The following SRD5A1 variants were observed in gnomAD, a reference collection of about 807,000 sequenced individuals.
SRD5A1 encodes 3-oxo-5-alpha-steroid 4-dehydrogenase 1.
Under a neutral mutation model 28.2 loss-of-function variants are expected in SRD5A1, and 22 were observed. That is an observed-to-expected ratio of 0.78 (90% CI 0.56 to 1.12). The LOEUF (loss-of-function observed/expected upper bound fraction) is 1.12, where lower values mean the gene tolerates loss of function less well. Among genes scored for constraint, SRD5A1 ranks in the 50% most tolerant of loss-of-function variants. SRD5A1 has a pLI of 0.00. For synonymous variants in SRD5A1, 151 were observed against 135.0 expected, an observed-to-expected ratio of 1.12 and a Z score of -0.82; for missense variants, 300 against 346.7, an observed-to-expected ratio of 0.87 and a Z score of 1.07.
rs1242403832 is a variant in SRD5A1, at chr5:6,668,265, T to G, written c.777T>G (p.Phe259Leu). 1 of 1,572,368 alleles carries G rather than the reference T, an allele frequency of 6.4e-7. No homozygotes were observed. Among genetic ancestry groups the G allele is most frequent in the East Asian group, 2.3e-5 (1 of 44,126 alleles). Residue 259 changes from phenylalanine (F) to leucine (L), a missense_variant, in exon 5 of 5, where the codon TTT (phenylalanine) becomes TTG (leucine). Phe to Leu is a conservative substitution (Grantham distance 22). Transcript: ENST00000274192. ...GAAAAATTATAATTCCATTTTTGTT[T>G]TAAGTGCGTTTTTCATGAAATTATC... ...KFRKIIIPFLF is the reference protein window; with the variant it reads ...KFRKIIIPFLL
At chr5:6,657,200 A>G (rs1045710140) in intron 3 of SRD5A1, among the ~76,000 whole-genome samples, 1 of 152,250 alleles carries the variant, frequency 6.6e-6, no homozygotes, top group Non-Finnish European at 1.5e-5. Flanking sequence ...CAAATTACTT[A>G]AACTGTGACC....
intron 1 of SRD5A1, among the ~76,000 whole-genome samples, chr5:6,638,788 A>G (rs184499520): frequency 3.3e-5 from 5 of 152,362 alleles, no homozygotes; most frequent in East Asian, 1.9e-4. Flanking sequence ...CAGCTGTGCA[A>G]TTTGGCCATC....
At chr5:6,665,501 C>A (rs1406009065) in intron 4 of SRD5A1, among the ~76,000 whole-genome samples, 1 of 152,218 alleles carries the variant, frequency 6.6e-6, no homozygotes, top group Non-Finnish European at 1.5e-5. Context: ...TGAAATACAA[C>A]GTTATCTCTC....
At chr5:6,658,134 G>A (rs186885479) in intron 3 of SRD5A1, among the ~76,000 whole-genome samples, 41 of 152,166 alleles carry the variant, frequency 2.7e-4, no homozygotes, top group Admixed American at 2.0e-3. Context: ...AGACCAACCT[G>A]GCCAACATGG....
chr5:6,650,893 GT>G (rs1301479474), intron 1 of SRD5A1, among the ~76,000 whole-genome samples: 1 of 150,738 alleles, frequency 6.6e-6, no homozygotes, highest in Non-Finnish European at 1.5e-5. Flanking sequence ...AATATGCGGT[GT>G]TTGGTTTTTT....
In SRD5A1 at chr5:6,669,101, G is replaced by A. The variant is rs557425072; in HGVS notation, c.*833G>A. ...TTTTTTGTTCTGTTCCCCACGTATGGATATAGTAGAGATTGTTGTCTGTGA... is the reference window on the plus strand; with the variant it reads ...TTTTTTGTTCTGTTCCCCACGTATGAATATAGTAGAGATTGTTGTCTGTGA... On this transcript the variant is annotated 3_prime_UTR_variant, in exon 5 of 5. Coordinates refer to ENST00000274192, the MANE Select transcript of SRD5A1 (RefSeq NM_001047.4). The A allele has an allele frequency of 3.9e-5, 6 of 152,308 alleles. No individual in the cohort carries two copies. The highest frequency in any genetic ancestry group is 8.8e-5 in the Non-Finnish European group (6 of 68,026). The allele number at this position is 152,308 out of a possible 1,614,324, so 9.4% of individuals were successfully genotyped here.
At position 6,666,304 on chromosome 5, in the gene SRD5A1, T is replaced by C. The variant is rs8192239; in HGVS notation, c.714-1898T>C. On this transcript the variant is annotated intron_variant, in intron 4 of 4. Transcript: ENST00000274192. Reference sequence around the variant, plus strand: ...CTGGGACTACAGGTGCCCGCCACCATGCCCGGCTAATTTTTTTGTATTTTT... The same window carrying C: ...CTGGGACTACAGGTGCCCGCCACCACGCCCGGCTAATTTTTTTGTATTTTT... Among the ~76,000 whole-genome samples, 366 of 152,210 alleles carry C rather than the reference T, an allele frequency of 2.4e-3. 1 individual carries two copies. Among genetic ancestry groups the C allele is most frequent in the South Asian group, 4.1e-3 (20 of 4,826 alleles).
In SRD5A1 at chr5:6,633,676, A is replaced by C; in HGVS notation, c.100A>C (p.Thr34Pro). The C allele has an allele frequency of 6.3e-7, 1 of 1,585,386 alleles. No individual in the cohort carries two copies. Among genetic ancestry groups the C allele is most frequent in the Admixed American group, 1.7e-5 (1 of 58,140 alleles). The change falls in exon 1 of 5, where the codon ACG becomes CCG. Residue 34 changes from threonine to proline, a missense_variant. Thr to Pro is a conservative substitution (Grantham distance 38, BLOSUM62 -1). Transcript: ENST00000274192. ...CGCGGTCTTCGCGCGCAATCGTCAG[A>C]CGAACTCAGTGTACGGCCGCCACGC... ...GCAVFARNRQ[T>P]NSVYGRHALP...
chr5:6,655,629 G>A (rs972803789), intron 2 of SRD5A1, among the ~76,000 whole-genome samples: 27 of 152,370 alleles, frequency 1.8e-4, no homozygotes, highest in African/African-American at 2.4e-4. Flanking sequence ...AAGGGGTGAC[G>A]TACAGCCAGT....
In SRD5A1 at chr5:6,670,251, G is replaced by T. The variant is rs1739319829; in HGVS notation, c.*1983G>T. On this transcript the variant is annotated 3_prime_UTR_variant, in exon 5 of 5. Transcript: ENST00000274192. ...AAGTCTCCACATTTTGGCCTATAGG[G>T]ATCCTGCCCCATAATGGCTGGTTAC... is the stretch of plus-strand genomic sequence containing the variant. 6.6e-6 allele frequency: 1 copy of T among 152,200 alleles called. No individual in the cohort carries two copies. Among genetic ancestry groups the T allele is most frequent in the South Asian group, 2.1e-4 (1 of 4,830 alleles). The allele number at this position is 152,200 out of a possible 1,614,324, so 9.4% of individuals were successfully genotyped here. A position where few individuals can be genotyped will look rare whatever the true frequency, so the allele number is the denominator to read the frequency against.
At chr5:6,642,818 C>G (rs1014296918) in intron 1 of SRD5A1, among the ~76,000 whole-genome samples, 38 of 152,184 alleles carry the variant, frequency 2.5e-4, no homozygotes, top group African/African-American at 8.4e-4. Flanking sequence ...ATTAAGCCAT[C>G]AAACTGGTGT....
chr5:6,641,366 G>A (rs983383841), intron 1 of SRD5A1, among the ~76,000 whole-genome samples: 29 of 152,208 alleles, frequency 1.9e-4, no homozygotes, highest in African/African-American at 7.0e-4. Flanking sequence ...AGTAAACTGA[G>A]TAAAGCTAAA....
intron 3 of SRD5A1, among the ~76,000 whole-genome samples, chr5:6,656,453 G>A (rs1738838648): frequency 6.6e-6 from 1 of 152,208 alleles, no homozygotes; most frequent in Non-Finnish European, 1.5e-5. Context: ...TATGATTGAC[G>A]AGGAGTGTCT....
At chr5:6,649,760 G>A (rs1738613822) in intron 1 of SRD5A1, among the ~76,000 whole-genome samples, 1 of 152,254 alleles carries the variant, frequency 6.6e-6, no homozygotes. Flanking sequence ...TCCGTGGGCT[G>A]CACCCACTGT....
chr5:6,646,819 C>G (rs1436285529), intron 1 of SRD5A1, among the ~76,000 whole-genome samples: 1 of 152,052 alleles, frequency 6.6e-6, no homozygotes. Context: ...CTTCTGTTAG[C>G]TTTTGAATTT....
At chr5:6,636,978 C>A (rs554106353) in intron 1 of SRD5A1, among the ~76,000 whole-genome samples, 1 of 152,238 alleles carries the variant, frequency 6.6e-6, no homozygotes, top group African/African-American at 2.4e-5. Context: ...GACCAGTTCC[C>A]CCAGGAGGGC....
chr5:6,637,482 G>A (rs1738221275), intron 1 of SRD5A1, among the ~76,000 whole-genome samples: 1 of 152,164 alleles, frequency 6.6e-6, no homozygotes, highest in Non-Finnish European at 1.5e-5. Context: ...TCTGAACTGT[G>A]TCGGAGTCGC....
In SRD5A1 at chr5:6,639,395, C is replaced by T. The variant is rs1378473901; in HGVS notation, c.293+5526C>T. Among the ~76,000 whole-genome samples the T allele has an allele frequency of 3.3e-5, 5 of 152,290 alleles. No individual in the cohort carries two copies. In the East Asian group the frequency reaches 5.8e-4, roughly 18 times the overall value. On this transcript the variant is annotated intron_variant, in intron 1 of 4. Coordinates refer to ENST00000274192, the MANE Select transcript of SRD5A1 (RefSeq NM_001047.4). ...TATTTACCAGTTACTTGGGTTTATA[C>T]TGTATGGGTAATTCTGCCCGTTTGA...
intron 1 of SRD5A1, among the ~76,000 whole-genome samples, chr5:6,639,221 C>G (rs140080001): frequency 6.6e-6 from 1 of 152,222 alleles, no homozygotes. Flanking sequence ...TGCAAGACGA[C>G]AAAACCCAAA....
Sources: gnomAD v4.1 joint callset for allele counts (sites outside exome capture counted in the v4.1 genomes callset) on GRCh38, gnomAD v4.1.1 for gene constraint, MANE v1.5 for transcripts, NCBI Gene and HGNC (gene_info 2026-07-23, HGNC 2026-07-21) for gene names.